The following RGPD3 variants were observed in gnomAD, a reference collection of about 807,000 sequenced individuals.
RGPD3 encodes the protein RANBP2 like and GRIP domain containing 3, also known as ranBP2-like and GRIP domain-containing protein 3.
RGPD3 carries 62 observed loss-of-function variants against 154.5 expected under a neutral mutation model. The ratio of observed to expected loss-of-function variants is 0.40; its 90% CI spans 0.33 to 0.50. The LOEUF is 0.50. Ranked by LOEUF, RGPD3 falls within the 20% of genes least tolerant of loss-of-function variation. The probability of loss-of-function intolerance (pLI) is 0.59; values close to 1 mark genes in which losing one functional copy is unlikely to be tolerated. For missense variants in RGPD3, 919 were observed against 1,716.8 expected (o/e 0.54, Z 8.21); for synonymous variants, 308 against 607.0 (o/e 0.51, Z 7.24).
At chr2:106,458,980 A>G (rs1678319436) in intron 2 of RGPD3, among the ~76,000 whole-genome samples, 1 of 141,274 alleles carries the variant, frequency 7.1e-6, no homozygotes, top group African/African-American at 2.5e-5. Context: ...AGATATAGGC[A>G]TGGTCCTCTT....
At chr2:106,461,348 A>G (rs1047536504) in intron 1 of RGPD3, among the ~76,000 whole-genome samples, 11 of 150,652 alleles carry the variant, frequency 7.3e-5, no homozygotes, top group African/African-American at 2.7e-4. Context: ...ACTTGAACAC[A>G]AGCACTGCAA....
At chr2:106,435,591 C>T (rs1448053878) in intron 12 of RGPD3, among the ~76,000 whole-genome samples, 11 of 145,600 alleles carry the variant, frequency 7.6e-5, no homozygotes, top group South Asian at 4.6e-4. Context: ...GGCCTCCTAA[C>T]GTGCTGGGAT....
At chr2:106,431,723 C>T (rs994350286) in intron 17 of RGPD3, among the ~76,000 whole-genome samples, 2 of 152,140 alleles carry the variant, frequency 1.3e-5, no homozygotes, top group African/African-American at 2.4e-5. Flanking sequence ...AATCGCCACA[C>T]ATCAGCATAT....
chr2:106,462,850 T>C (rs1183619302), intron 1 of RGPD3, among the ~76,000 whole-genome samples: 2 of 150,676 alleles, frequency 1.3e-5, no homozygotes, highest in African/African-American at 4.9e-5. Flanking sequence ...GCCGTGATTA[T>C]ACAGGACAAT....
intron 22 of RGPD3, among the ~76,000 whole-genome samples, chr2:106,408,853 A>G (rs1210162473): frequency 6.6e-6 from 1 of 151,288 alleles, no homozygotes; most frequent in Non-Finnish European, 1.5e-5. Flanking sequence ...GAACGGGCAT[A>G]TTTTAAAATT....
intron 22 of RGPD3, among the ~76,000 whole-genome samples, chr2:106,412,305 T>TGTTTTG (rs1676696656): frequency 1.3e-5 from 1 of 75,804 alleles, no homozygotes; most frequent in African/African-American, 4.7e-5. Flanking sequence ...TTTTTTTTTT[T>TGTTTTG]TTTTTTTTTT....
intron 18 of RGPD3, among the ~76,000 whole-genome samples, chr2:106,426,794 G>T (rs1362370485): frequency 6.6e-6 from 1 of 152,256 alleles, no homozygotes; most frequent in Non-Finnish European, 1.5e-5. Context: ...GATCTTTCAT[G>T]CCTGTACATG....
chr2:106,423,921 C>A lies in RGPD3; in HGVS notation c.4046G>T (p.Ser1349Ile), dbSNP rs544814488. 165 of 1,611,864 alleles carry A rather than the reference C, an allele frequency of 1.0e-4. No individual in the cohort carries two copies. The African/African-American group carries it at 1.9e-3, about 19-fold the overall frequency. Residue 1349 changes from serine (S) to isoleucine (I), a missense_variant, in exon 20 of 23, where the codon AGT (serine) becomes ATT (isoleucine). Transcript: ENST00000409886. ...VPLPDLVEVS[S>I]GEENEQVVFS... ...AACAACTTGTTCATTTTCCTCACCA[C>A]TGGATACTTCAACTAGATCAGGTAA...
intron 12 of RGPD3, 26 bp downstream of exon 12, chr2:106,436,097 T>C (rs1343022897): frequency 2.5e-6 from 4 of 1,573,562 alleles, no homozygotes; most frequent in East Asian, 2.2e-5. Flanking sequence ...AATGTTCTTT[T>C]AAAATGCTTA....
intron 20 of RGPD3, among the ~76,000 whole-genome samples, chr2:106,417,555 A>C (rs1365006775): frequency 1.3e-5 from 2 of 149,796 alleles, no homozygotes; most frequent in Admixed American, 1.3e-4. Flanking sequence ...ACTCCGTATC[A>C]GTTGTCTCCA....
In RGPD3 at chr2:106,403,436, AAAT is replaced by A. The variant is rs1268788230; in HGVS notation, c.*1780_*1782del. ...TTAAACATATTTAATAGAAATATTA[AAAT>A]AATCATTACACTTCCTCTCATTGCA... On this transcript the variant is annotated 3_prime_UTR_variant, in exon 23 of 23. Coordinates refer to ENST00000409886, the MANE Select transcript of RGPD3 (RefSeq NM_001144013.2). Among the ~76,000 whole-genome samples, 1 of 152,080 alleles carries A rather than the reference AAAT, an allele frequency of 6.6e-6. No individual in the cohort carries two copies. The highest frequency in any genetic ancestry group is 1.5e-5 in the Non-Finnish European group (1 of 68,006).
At chr2:106,467,130 G>A (rs1678639554) in intron 1 of RGPD3, among the ~76,000 whole-genome samples, 3 of 77,348 alleles carry the variant, frequency 3.9e-5, no homozygotes, top group African/African-American at 1.2e-4. Flanking sequence ...AACAGAGCGC[G>A]CCAGGGAGCA....
intron 1 of RGPD3, among the ~76,000 whole-genome samples, chr2:106,461,577 C>T (rs1412568416): frequency 3.3e-5 from 5 of 151,204 alleles, no homozygotes; most frequent in African/African-American, 7.3e-5. Context: ...TTTTGGACCA[C>T]GGGTGACGCA....
chr2:106,462,176 C>T (rs887345328), intron 1 of RGPD3, among the ~76,000 whole-genome samples: 8 of 152,066 alleles, frequency 5.3e-5, no homozygotes, highest in African/African-American at 1.7e-4. Context: ...CCACGGAGCC[C>T]GGCCAGTTCC....
In RGPD3 at chr2:106,468,239, C is replaced by T; in HGVS notation, c.50G>A (p.Gly17Asp). 6.2e-7 allele frequency: 1 copy of T among 1,607,682 alleles called. No individual in the cohort carries two copies. Residue 17 changes from glycine to aspartate, a missense_variant, in exon 1 of 23, where the codon GGC (glycine) becomes GAC (aspartate). Gly to Asp is a moderately conservative substitution (Grantham distance 94, BLOSUM62 -1). Transcript: ENST00000409886. ...YGERYVASVQ[G>D]SAPSPRKKST... ...CACCTTTCGAGGCGACGGGGCGGAGCCCTGCACCGAGGCGACGTACCGCTC... is the reference window on the plus strand; with the variant it reads ...CACCTTTCGAGGCGACGGGGCGGAGTCCTGCACCGAGGCGACGTACCGCTC...
At chr2:106,406,180 T>A (rs1676510032) in intron 22 of RGPD3, among the ~76,000 whole-genome samples, 1 of 146,184 alleles carries the variant, frequency 6.8e-6, no homozygotes, top group African/African-American at 2.5e-5. Flanking sequence ...TTAAAAATCA[T>A]GTTTATTGAG....
intron 1 of RGPD3, among the ~76,000 whole-genome samples, chr2:106,464,435 G>T (rs1182899822): frequency 3.3e-5 from 5 of 151,134 alleles, no homozygotes; most frequent in African/African-American, 4.9e-5. Context: ...GAAGTATGAA[G>T]TATAGATGTA....
chr2:106,432,819 C>G (rs1467686058), intron 17 of RGPD3, 116 bp downstream of exon 17: 1 of 1,014,220 alleles, frequency 9.9e-7, no homozygotes, highest in African/African-American at 1.7e-5. Flanking sequence ...TGTCCCCTTG[C>G]CATACTATTT....
chr2:106,438,970 A>T lies in RGPD3; in HGVS notation c.1274T>A (p.Val425Asp). 1 of 268,156 alleles carries T rather than the reference A, an allele frequency of 3.7e-6. No individual in the cohort carries two copies. The highest frequency in any genetic ancestry group is 6.7e-6 in the Non-Finnish European group (1 of 149,818). 16.6% of individuals were successfully genotyped at this position (268,156 alleles called of 1,614,324 possible). A position where few individuals can be genotyped will look rare whatever the true frequency, so the allele number is the denominator to read the frequency against. The change falls in exon 9 of 23, where the codon GTT (valine) becomes GAT (aspartate). Residue 425 changes from valine (V) to aspartate (D), a missense_variant and splice_region_variant. Coordinates refer to ENST00000409886, the MANE Select transcript of RGPD3 (RefSeq NM_001144013.2). The part of the protein sequence containing the change: ...PELEDLARYD[V>D]GAIRAHNGSL... The stretch of plus-strand genomic sequence containing the variant: ...TTCCTCTGAAACATATAACTTACCA[A>T]CATCGTATCTAGCCAAATCTTCAAG...
Sources: gnomAD v4.1 joint callset for allele counts (sites outside exome capture counted in the v4.1 genomes callset) on GRCh38, gnomAD v4.1.1 for gene constraint, MANE v1.5 for transcripts, NCBI Gene and HGNC (gene_info 2026-07-23, HGNC 2026-07-21) for gene names.